SYT7: variants seen among roughly 807,000 people sequenced by gnomAD.
The protein encoded by SYT7 is synaptotagmin-7.
In SYT7, 29 loss-of-function variants were observed where a neutral mutation model predicts 75.1. The ratio of observed to expected loss-of-function variants is 0.39; its 90% confidence interval spans 0.29 to 0.53. The LOEUF (loss-of-function observed/expected upper bound fraction) is 0.53, where lower values mean the gene tolerates loss of function less well. Among genes scored for constraint, SYT7 ranks in the 20% least tolerant of loss-of-function variants. The pLI is 0.77. For missense variants in SYT7, 693 were observed against 953.2 expected, an observed-to-expected ratio of 0.73 and a Z score of 3.59; for synonymous variants, 376 against 401.7, an observed-to-expected ratio of 0.94 and a Z score of 0.76.
At chr11:61,531,659 C>G (rs961931100) in intron 8 of SYT7, among the ~76,000 whole-genome samples, 1 of 151,694 alleles carries the variant, frequency 6.6e-6, no homozygotes, top group Non-Finnish European at 1.5e-5. Context: ...TTTGGGAGGC[C>G]GAGGCAGGTG....
rs751249412 is a variant in SYT7, at chr11:61,524,372, G to A, written c.1632C>T (p.Ser544=). ...ACCCATGGGGCCTTACACTCCCATCGCTGCATGGCTTCAGATCCTTCCAGA... is the reference window on the plus strand; with the variant it reads ...ACCCATGGGGCCTTACACTCCCATCACTGCATGGCTTCAGATCCTTCCAGA... The part of the protein sequence containing the change: ...QTFWKDLKPC[S]DGSGSRGELL... The change falls in exon 10 of 13, where the codon AGC becomes AGT. Residue 544 remains serine (S), a synonymous_variant. Coordinates refer to ENST00000539008, the MANE Select transcript of SYT7 (RefSeq NM_001365809.2). The surrounding 1 kb of genome is among the most constrained non-coding windows in gnomAD (Gnocchi z 4.1). 1.4e-5 allele frequency: 22 copies of A among 1,614,060 alleles called. No homozygotes were observed. The highest frequency in any genetic ancestry group is 1.7e-4 in the Middle Eastern group (1 of 6,056).
rs923836066 is a variant in SYT7, at chr11:61,546,241, G to A, written c.362C>T (p.Ser121Leu). ...PRLSLNGTLL[S>L]GAKVAAAAGL... Reference sequence around the variant, plus strand: ...CGCCGCGGCGGCCACTTTGGCGCCCGACAGGAGGGTGCCACTGGAGGCATG... The same window carrying A: ...CGCCGCGGCGGCCACTTTGGCGCCCAACAGGAGGGTGCCACTGGAGGCATG... The change falls in exon 5 of 13, where the codon TCG becomes TTG. Residue 121 changes from serine to leucine, a missense_variant. This residue lies in a region of SYT7 where 487 missense variants were observed against 593.2 expected (regional missense o/e 0.82). Coordinates refer to ENST00000539008, the MANE Select transcript of SYT7 (RefSeq NM_001365809.2). The surrounding 1 kb of genome is among the most constrained non-coding windows in gnomAD (Gnocchi z 7.6). 29 of 1,446,066 alleles carry A rather than the reference G, an allele frequency of 2.0e-5. No individual in the cohort carries two copies. In the Admixed American group the frequency reaches 4.4e-4, roughly 22 times the overall value. 89.6% of individuals were successfully genotyped at this position (1,446,066 alleles called of 1,614,324 possible). A position where few individuals can be genotyped will look rare whatever the true frequency, so the allele number is the denominator to read the frequency against.
At chr11:61,549,102 G>C (rs1461337702) in intron 3 of SYT7, among the ~76,000 whole-genome samples, 3 of 152,110 alleles carry the variant, frequency 2.0e-5, no homozygotes, top group Non-Finnish European at 4.4e-5. Context: ...AACAAAGATG[G>C]AGCAGGTAGC....
chr11:61,537,758 T>TCC (rs201418110), intron 7 of SYT7, among the ~76,000 whole-genome samples: 56 of 150,460 alleles, frequency 3.7e-4, no homozygotes, highest in Non-Finnish European at 6.8e-4. Context: ...TTCCCTTACA[T>TCC]CCCCCCCGCC....
rs927719671 is a variant in SYT7 at position 61,551,216 on chromosome 11, G to A, written c.215+168C>T. ...GGGCTTGGGCACAGGCAGAAAAGAC[G>A]GGGCCCCTGAGTTTTTGGGGGTGTG... On this transcript the variant is annotated intron_variant, in intron 3 of 12. Coordinates refer to ENST00000539008, the MANE Select transcript of SYT7 (RefSeq NM_001365809.2). The surrounding 1 kb of genome is among the most constrained non-coding windows in gnomAD (Gnocchi z 5.3). 2.0e-5 allele frequency among the ~76,000 whole-genome samples: 3 copies of A among 152,108 alleles called. No individual in the cohort carries two copies. Among genetic ancestry groups the A allele is most frequent in the Non-Finnish European group, 2.9e-5 (2 of 68,004 alleles).
At chr11:61,575,185 C>T (rs887647) in intron 1 of SYT7, among the ~76,000 whole-genome samples, 13,348 of 152,050 alleles carry the variant, frequency 0.088, 1,433 homozygotes, top group African/African-American at 0.26. Context: ...CTCTCCCTCC[C>T]GTCTCCTACA....
In SYT7 at chr11:61,576,729, G is replaced by A. The variant is rs2064090645; in HGVS notation, c.31+4061C>T. ...GGGGTGGGTGGGGAGTAGGATGGGG[G>A]GACTCAGGAGGGGCAGGAGGGGGAG... On this transcript the variant is annotated intron_variant, in intron 1 of 12. Transcript: ENST00000539008. This position sits in a 1 kb window ranked among gnomAD's most constrained non-coding sequence, Gnocchi z 4.1. 6.7e-6 allele frequency among the ~76,000 whole-genome samples: 1 copy of A among 150,232 alleles called. No individual in the cohort carries two copies. The highest frequency in any genetic ancestry group is 2.1e-4 in the South Asian group (1 of 4,674).
At position 61,547,212 on chromosome 11, in the gene SYT7, G is replaced by A. The variant is rs1312473532; in HGVS notation, c.312C>T (p.Pro104=). 1 of 1,535,784 alleles carries A rather than the reference G, an allele frequency of 6.5e-7. No individual in the cohort carries two copies. Among genetic ancestry groups the A allele is most frequent in the Non-Finnish European group, 8.7e-7 (1 of 1,146,702 alleles). The change falls in exon 4 of 13, where the codon CCC becomes CCT. Residue 104 remains proline (P), a synonymous_variant. Transcript: ENST00000539008. ...GTCGTGGGTCGCCATAAGGGGCGTAGGGTGAAATGTTTAGAATAAACTCCT... is the reference window on the plus strand; with the variant it reads ...GTCGTGGGTCGCCATAAGGGGCGTAAGGTGAAATGTTTAGAATAAACTCCT... ...PPKEFILNIS[P]YAPYGDPRLS...
rs932262458 is a variant in SYT7, at chr11:61,551,575, C to T, written c.136-112G>A. The T allele has an allele frequency of 1.3e-4, 139 of 1,096,680 alleles. No homozygotes were observed. The highest frequency in any genetic ancestry group is 1.6e-4 in the Non-Finnish European group (117 of 740,648). 67.9% of individuals were successfully genotyped at this position (1,096,680 alleles called of 1,614,324 possible). On this transcript the variant is annotated intron_variant, in intron 2 of 12. Coordinates refer to ENST00000539008, the MANE Select transcript of SYT7 (RefSeq NM_001365809.2). The surrounding 1 kb of genome is among the most constrained non-coding windows in gnomAD (Gnocchi z 5.3). ...ATAGACTGGAGTCGGGCCGTGGCAACAAGGCCAGGACCAGTGTGCGAGGCT... is the reference window on the plus strand; with the variant it reads ...ATAGACTGGAGTCGGGCCGTGGCAATAAGGCCAGGACCAGTGTGCGAGGCT...
intron 7 of SYT7, among the ~76,000 whole-genome samples, chr11:61,535,136 C>T (rs1010878158): frequency 1.3e-5 from 2 of 152,010 alleles, no homozygotes; most frequent in African/African-American, 2.4e-5. Flanking sequence ...AGGGAGAGGC[C>T]GAGGGGCCCA....
chr11:61,541,931 G>A lies in SYT7; in HGVS notation c.941+280C>T, dbSNP rs149500890. On this transcript the variant is annotated intron_variant, in intron 6 of 12. Transcript: ENST00000539008. Reference sequence around the variant, plus strand: ...GCTGGGGAGAAGAGATGTATCTCAGGGCATTGTCCAGTGTCTCCACCTTTT... The same window carrying A: ...GCTGGGGAGAAGAGATGTATCTCAGAGCATTGTCCAGTGTCTCCACCTTTT... Among the ~76,000 whole-genome samples the A allele has an allele frequency of 2.9e-4, 44 of 152,284 alleles. 2 individuals are homozygous for A. The highest frequency in any genetic ancestry group is 1.0e-3 in the African/African-American group (43 of 41,554).
At chr11:61,555,989 C>T (rs2063491302) in intron 2 of SYT7, 115 bp downstream of exon 2, 2 of 922,676 alleles carry the variant, frequency 2.2e-6, no homozygotes, top group Admixed American at 4.8e-5. Flanking sequence ...ACAGGTGAGT[C>T]ACCTGTGTGC....
At chr11:61,525,222 A>G (rs1317640640) in intron 9 of SYT7, among the ~76,000 whole-genome samples, 1 of 152,196 alleles carries the variant, frequency 6.6e-6, no homozygotes, top group African/African-American at 2.4e-5. Context: ...TCAATGCGGC[A>G]GCCAGAGAGA....
In SYT7 at chr11:61,518,482, T is replaced by C. The variant is rs983381814; in HGVS notation, c.*145A>G. ...GGTACTTCCTAGAAACGGGGCCCAGTTGAGTCCTGGGACCCCTCCCTGGCT... is the reference window on the plus strand; with the variant it reads ...GGTACTTCCTAGAAACGGGGCCCAGCTGAGTCCTGGGACCCCTCCCTGGCT... On this transcript the variant is annotated 3_prime_UTR_variant, in exon 13 of 13. Coordinates refer to ENST00000539008, the MANE Select transcript of SYT7 (RefSeq NM_001365809.2). 1.9e-6 allele frequency: 1 copy of C among 516,918 alleles called. No homozygotes were observed. Among genetic ancestry groups the C allele is most frequent in the Admixed American group, 3.5e-5 (1 of 28,500 alleles). The allele number at this position is 516,918 out of a possible 1,614,324, so 32.0% of individuals were successfully genotyped here.
At chr11:61,571,959 G>A (rs1490079909) in intron 1 of SYT7, among the ~76,000 whole-genome samples, 1 of 152,164 alleles carries the variant, frequency 6.6e-6, no homozygotes, top group Non-Finnish European at 1.5e-5. Flanking sequence ...AGTTACCATT[G>A]CACCCTTCAC....
intron 3 of SYT7, among the ~76,000 whole-genome samples, chr11:61,549,178 A>G (rs1267247264): frequency 2.0e-5 from 3 of 152,032 alleles, no homozygotes; most frequent in Admixed American, 1.3e-4. Context: ...GGTCCCAGAA[A>G]AAAAATCCAC....
At chr11:61,564,812 G>A (rs2063724928) in intron 1 of SYT7, among the ~76,000 whole-genome samples, 1 of 152,168 alleles carries the variant, frequency 6.6e-6, no homozygotes, top group South Asian at 2.1e-4. Flanking sequence ...CCTTTTCTGG[G>A]GCTCCTTCCC....
chr11:61,558,513 C>T (rs2063559173), intron 1 of SYT7, among the ~76,000 whole-genome samples: 1 of 150,772 alleles, frequency 6.6e-6, no homozygotes, highest in Non-Finnish European at 1.5e-5. Flanking sequence ...CATACACACA[C>T]ACACACACAC....
chr11:61,528,177 T>G lies in SYT7; in HGVS notation c.1209A>C (p.Pro403=). ...SLTSEMLMLS[P]GSEEDEAHEG... ...CGTGGGCCTCATCCTCCTCGGAGCC[T>G]GGGGAGAGCTGGGGGTGGGGGAGAG... The change falls in exon 9 of 13, where the codon CCA becomes CCC. Residue 403 remains proline (P), a synonymous_variant. Transcript: ENST00000539008. 6.2e-7 allele frequency: 1 copy of G among 1,610,766 alleles called. No homozygotes were observed. The highest frequency in any genetic ancestry group is 2.2e-5 in the East Asian group (1 of 44,844).
Sources: gnomAD v4.1 joint callset for allele counts (sites outside exome capture counted in the v4.1 genomes callset) on GRCh38, gnomAD v4.1.1 for gene constraint, gnomAD v4.1.1 regional missense constraint, Gnocchi (gnomAD v3.1) non-coding constraint, MANE v1.5 for transcripts, NCBI Gene and HGNC (gene_info 2026-07-23, HGNC 2026-07-21) for gene names.